RPS6KA2: variants seen among roughly 807,000 people sequenced by gnomAD.
The protein encoded by RPS6KA2 is ribosomal protein S6 kinase alpha-2.
RPS6KA2 carries 42 observed loss-of-function variants against 91.8 expected under a neutral mutation model. That is an observed-to-expected ratio of 0.46 (90% CI 0.36 to 0.59). RPS6KA2 has a LOEUF of 0.59. RPS6KA2 is among the 20% of genes least tolerant of loss of function. The pLI is 0.00. For missense variants in RPS6KA2, 798 were observed against 978.5 expected, an observed-to-expected ratio of 0.82 and a Z score of 2.46; for synonymous variants, 414 against 393.6, an observed-to-expected ratio of 1.05 and a Z score of -0.61.
rs1779232413 is a variant in RPS6KA2, at chr6:166,434,552, C to T, written c.1333-2062G>A. 2.0e-5 allele frequency among the ~76,000 whole-genome samples: 3 copies of T among 152,242 alleles called. 1 individual carries two copies. In the South Asian group the frequency reaches 6.2e-4, roughly 31 times the overall value. On this transcript the variant is annotated intron_variant, in intron 14 of 20. Coordinates refer to ENST00000265678, the MANE Select transcript of RPS6KA2 (RefSeq NM_021135.6). This position sits in a 1 kb window ranked among gnomAD's most constrained non-coding sequence, Gnocchi z 4.4. ...GTCAGGTACCCAAACTCCTCTGCTC[C>T]TGTCTGCCTGTGGGCATCCCGTCTA...
intron 3 of RPS6KA2, among the ~76,000 whole-genome samples, chr6:166,522,013 T>C (rs1014112574): frequency 2.0e-5 from 3 of 152,138 alleles, no homozygotes; most frequent in African/African-American, 7.2e-5. Flanking sequence ...AGCCAGAAGA[T>C]GGCTATGAAC....
At chr6:166,590,026 G>A (rs1785305898) in intron 1 of RPS6KA2, among the ~76,000 whole-genome samples, 1 of 152,150 alleles carries the variant, frequency 6.6e-6, no homozygotes, top group African/African-American at 2.4e-5. Flanking sequence ...GCTCAGAGGA[G>A]GAGGCAAGGG....
chr6:166,516,541 G>A (rs754378439), intron 3 of RPS6KA2, among the ~76,000 whole-genome samples: 2 of 152,208 alleles, frequency 1.3e-5, no homozygotes, highest in African/African-American at 2.4e-5. Context: ...ATCAAACAAA[G>A]TTAAACTCAA....
intron 14 of RPS6KA2, among the ~76,000 whole-genome samples, chr6:166,443,059 A>C (rs1417696715): frequency 6.6e-6 from 1 of 152,214 alleles, no homozygotes; most frequent in Non-Finnish European, 1.5e-5. Context: ...GTATTTGTAT[A>C]ATTATATACT....
chr6:166,510,243 G>T, intron 4 of RPS6KA2, 34 bp downstream of exon 4: 3 of 1,322,916 alleles, frequency 2.3e-6, no homozygotes, highest in Non-Finnish European at 3.2e-6. Flanking sequence ...GTTGCCCTGG[G>T]TCCTCTTTAA....
intron 1 of RPS6KA2, among the ~76,000 whole-genome samples, chr6:166,622,402 T>C (rs1786675206): frequency 6.6e-6 from 1 of 152,202 alleles, no homozygotes; most frequent in Non-Finnish European, 1.5e-5. Flanking sequence ...TATTCACTAA[T>C]ATGGACTATT....
chr6:166,739,521 G>C (rs776156921), intron 2 of RPS6KA2, among the ~76,000 whole-genome samples: 1 of 152,264 alleles, frequency 6.6e-6, no homozygotes, highest in African/African-American at 2.4e-5. Flanking sequence ...CAGGCTGGGA[G>C]TCTGTTGGCT....
chr6:166,583,321 G>A (rs955522549), intron 1 of RPS6KA2, among the ~76,000 whole-genome samples: 9 of 152,132 alleles, frequency 5.9e-5, no homozygotes, highest in Non-Finnish European at 1.2e-4. Flanking sequence ...AGAGATCACG[G>A]CCTTCTTGGG....
intron 2 of RPS6KA2, among the ~76,000 whole-genome samples, chr6:166,741,387 G>A (rs3734601): frequency 0.15 from 23,575 of 152,104 alleles, 2,045 homozygotes; most frequent in Admixed American, 0.2. Context: ...ATTCTGGCTC[G>A]CCAGGGACTC....
chr6:166,517,770 C>T (rs111812691), intron 3 of RPS6KA2, among the ~76,000 whole-genome samples: 6,793 of 152,076 alleles, frequency 0.045, 471 homozygotes, highest in African/African-American at 0.15. Context: ...CCACCGCGCC[C>T]GGCCCACTTA....
At position 166,527,176 on chromosome 6, in the gene RPS6KA2, G is replaced by A. The variant is rs1783083240; in HGVS notation, c.298+4056C>T. Among the ~76,000 whole-genome samples the A allele has an allele frequency of 2.6e-5, 4 of 152,202 alleles. No individual in the cohort carries two copies. In the South Asian group the frequency reaches 8.3e-4, roughly 32 times the overall value. On this transcript the variant is annotated intron_variant, in intron 3 of 20. Coordinates refer to ENST00000265678, the MANE Select transcript of RPS6KA2 (RefSeq NM_021135.6). ...CAGCTTCCCGCTCCTCCATTCCACT[G>A]TATTCCTACAGAGCAGAGCAGGCAG... is the stretch of plus-strand genomic sequence containing the variant.
chr6:166,688,319 C>T (rs1052742998), intron 2 of RPS6KA2, among the ~76,000 whole-genome samples: 1 of 152,146 alleles, frequency 6.6e-6, no homozygotes, highest in Admixed American at 6.5e-5. Flanking sequence ...GCCACTGGGA[C>T]ACTGCACAGG....
At chr6:166,581,950 G>C (rs1583298990) in intron 1 of RPS6KA2, among the ~76,000 whole-genome samples, 14 of 132,810 alleles carry the variant, frequency 1.1e-4, no homozygotes, top group African/African-American at 1.2e-4. Context: ...CAGGGAGAGG[G>C]TGAGATAGGG....
rs1191871182 is a variant in RPS6KA2 at position 166,824,805 on chromosome 6, CTA to C, written c.123+33393_123+33394del. Among the ~76,000 whole-genome samples, 60 of 20,042 alleles carry C rather than the reference CTA, an allele frequency of 3.0e-3. No individual in the cohort carries two copies. In the Middle Eastern group the frequency reaches 0.088, roughly 29 times the overall value. The allele number at this position is 20,042 out of a possible 152,430, so 13.1% of individuals were successfully genotyped here. A position where few individuals can be genotyped will look rare whatever the true frequency, so the allele number is the denominator to read the frequency against. On this transcript the variant is annotated intron_variant, in intron 2 of 21. Coordinates refer to the RPS6KA2 transcript ENST00000503859. ...TGTGTCTGTGTGTGTGTCTGTGTGT[CTA>C]TGTGTGTCTGTGTGTGTCTGTGTGT...
chr6:166,469,334 T>G (rs1780666788), intron 11 of RPS6KA2, among the ~76,000 whole-genome samples: 1 of 151,512 alleles, frequency 6.6e-6, no homozygotes, highest in South Asian at 2.1e-4. Context: ...TTGTTTTTTT[T>G]TTTTTTTTTT....
chr6:166,819,832 T>G (rs986411859), intron 2 of RPS6KA2, among the ~76,000 whole-genome samples: 1 of 152,254 alleles, frequency 6.6e-6, no homozygotes, highest in African/African-American at 2.4e-5. Flanking sequence ...TTGTATTTAC[T>G]GTATTTATGA....
rs111668517 is a variant in RPS6KA2 at position 166,797,361 on chromosome 6, G to C, written c.123+60839C>G. The stretch of plus-strand genomic sequence containing the variant: ...GACATATAGTTGATCCTTGAACAGT[G>C]CAAGAGTTAGGGACACCCAGCTCCC... On this transcript the variant is annotated intron_variant, in intron 2 of 21. Coordinates refer to the RPS6KA2 transcript ENST00000503859. Among the ~76,000 whole-genome samples, 1,279 of 151,846 alleles carry C rather than the reference G, an allele frequency of 8.4e-3. 24 individuals are homozygous for C. The highest frequency in any genetic ancestry group is 0.03 in the African/African-American group (1,229 of 41,350).
rs75476135 is a variant in RPS6KA2, at chr6:166,495,083, G to A, written c.747+3425C>T. Among the ~76,000 whole-genome samples, 6,864 of 152,322 alleles carry A rather than the reference G, an allele frequency of 0.045. 503 individuals carry two copies. The highest frequency in any genetic ancestry group is 0.16 in the African/African-American group (6,547 of 41,556). ...GTGTGCAGCCAGTCACCACGTGGGC[G>A]GGCGGCACTAAATGAGAATGTGTTT... is the stretch of plus-strand genomic sequence containing the variant. On this transcript the variant is annotated intron_variant, in intron 8 of 20. Coordinates refer to ENST00000265678, the MANE Select transcript of RPS6KA2 (RefSeq NM_021135.6). This position sits in a 1 kb window ranked among gnomAD's most constrained non-coding sequence, Gnocchi z 4.4.
rs1052326344 is a variant in RPS6KA2, at chr6:166,713,643, C to T, written c.123+144557G>A. Among the ~76,000 whole-genome samples the T allele has an allele frequency of 3.2e-4, 49 of 152,302 alleles. 1 individual carries two copies. Among genetic ancestry groups the T allele is most frequent in the Non-Finnish European group, 2.1e-4 (14 of 68,024 alleles). ...CACATGAAGAACAAACACAGATGCACGATTTATGTGTTCTGGAAGCAAAAC... is the reference window on the plus strand; with the variant it reads ...CACATGAAGAACAAACACAGATGCATGATTTATGTGTTCTGGAAGCAAAAC... On this transcript the variant is annotated intron_variant, in intron 2 of 21. Transcript: ENST00000503859.
Sources: gnomAD v4.1 joint callset for allele counts (sites outside exome capture counted in the v4.1 genomes callset) on GRCh38, gnomAD v4.1.1 for gene constraint, Gnocchi (gnomAD v3.1) non-coding constraint, MANE v1.5 for transcripts, NCBI Gene and HGNC (gene_info 2026-07-23, HGNC 2026-07-21) for gene names.